C1orf21: variants seen among roughly 807,000 people sequenced by gnomAD.
C1orf21 encodes chromosome 1 open reading frame 21, also known as uncharacterized protein C1orf21.
C1orf21 carries 3 observed loss-of-function variants against 18.7 expected under a neutral mutation model. That is an observed-to-expected ratio of 0.16 (90% CI 0.07 to 0.42). C1orf21 has a LOEUF of 0.42. Among genes scored for constraint, C1orf21 ranks in the 10% least tolerant of loss-of-function variants. The pLI is 0.99. For missense variants in C1orf21, 104 were observed against 143.6 expected (o/e 0.72, Z 1.41); for synonymous variants, 41 against 46.4 (o/e 0.88, Z 0.47).
At position 184,483,451 on chromosome 1, in the gene C1orf21, C is replaced by T. The variant is rs531709814; in HGVS notation, c.94+5848C>T. Among the ~76,000 whole-genome samples the T allele has an allele frequency of 5.3e-5, 8 of 152,318 alleles. No homozygotes were observed. The South Asian group carries it at 1.7e-3, about 32-fold the overall frequency. ...TCATGATCTCTCCTGCAGCCCGCCCCCAAGTGGGGAGAAACTCTTACAGTT... is the reference window on the plus strand; with the variant it reads ...TCATGATCTCTCCTGCAGCCCGCCCTCAAGTGGGGAGAAACTCTTACAGTT... On this transcript the variant is annotated intron_variant, in intron 2 of 5. Transcript: ENST00000235307.
chr1:184,395,359 A>G (rs570290725), intron 1 of C1orf21, among the ~76,000 whole-genome samples: 1 of 152,252 alleles, frequency 6.6e-6, no homozygotes, highest in Admixed American at 6.5e-5. Context: ...GCCTTCTTTA[A>G]TATAATGAGG....
At chr1:184,610,481 T>A (rs185007520) in intron 5 of C1orf21, among the ~76,000 whole-genome samples, 1 of 152,212 alleles carries the variant, frequency 6.6e-6, no homozygotes, top group East Asian at 1.9e-4. Context: ...CCTGCTCACC[T>A]CCTTGTGGGG....
At chr1:184,505,450 A>G (rs1175103326) in intron 2 of C1orf21, among the ~76,000 whole-genome samples, 1 of 151,162 alleles carries the variant, frequency 6.6e-6, no homozygotes, top group Non-Finnish European at 1.5e-5. Flanking sequence ...TTAAGTTCAC[A>G]ATTTAGTTCA....
intron 2 of C1orf21, among the ~76,000 whole-genome samples, chr1:184,498,911 C>T (rs1657931955): frequency 6.6e-6 from 1 of 152,238 alleles, no homozygotes; most frequent in Non-Finnish European, 1.5e-5. Flanking sequence ...CCCAGTCCCA[C>T]CACTCTGTAG....
At chr1:184,454,746 G>A (rs71634108) in intron 1 of C1orf21, among the ~76,000 whole-genome samples, 7,935 of 152,066 alleles carry the variant, frequency 0.052, 299 homozygotes, top group Non-Finnish European at 0.07. Flanking sequence ...GCTTCCTGAG[G>A]CCTCCCTAGA....
chr1:184,598,633 T>C (rs943930415), intron 5 of C1orf21, among the ~76,000 whole-genome samples, 172 bp downstream of exon 5: 1 of 152,114 alleles, frequency 6.6e-6, no homozygotes, highest in Non-Finnish European at 1.5e-5. Context: ...TGTGAGAATG[T>C]TTAAGGTATA....
At chr1:184,547,420 CTTTT>C (rs34169321) in intron 3 of C1orf21, among the ~76,000 whole-genome samples, 64 of 102,922 alleles carry the variant, frequency 6.2e-4, no homozygotes, top group East Asian at 2.2e-3. Flanking sequence ...TACATCCAGA[CTTTT>C]TTTTTTTTTT....
At chr1:184,586,369 G>A (rs1282177044) in intron 3 of C1orf21, among the ~76,000 whole-genome samples, 7 of 146,866 alleles carry the variant, frequency 4.8e-5, no homozygotes, top group Admixed American at 4.2e-4. Context: ...TGCAGGCTCC[G>A]CCCCCTGGGG....
intron 1 of C1orf21, among the ~76,000 whole-genome samples, chr1:184,420,533 C>G (rs545748215): frequency 6.6e-6 from 1 of 152,050 alleles, no homozygotes; most frequent in Non-Finnish European, 1.5e-5. Context: ...GACATCATTG[C>G]TAAGGTGTCT....
At chr1:184,516,514 A>G (rs755828559) in intron 3 of C1orf21, among the ~76,000 whole-genome samples, 8 of 152,304 alleles carry the variant, frequency 5.3e-5, no homozygotes, top group East Asian at 3.9e-4. Flanking sequence ...GGCAATTTAC[A>G]TAAGACAGAG....
chr1:184,426,051 CAT>C (rs1656632600), intron 1 of C1orf21, among the ~76,000 whole-genome samples: 7 of 152,236 alleles, frequency 4.6e-5, no homozygotes. Flanking sequence ...TCCCTTCTGG[CAT>C]CATCCCGATC....
chr1:184,561,266 C>CA (rs1235221741), intron 3 of C1orf21, among the ~76,000 whole-genome samples: 1 of 152,136 alleles, frequency 6.6e-6, no homozygotes, highest in Non-Finnish European at 1.5e-5. Flanking sequence ...CTCTGGTGTA[C>CA]AGCTCCCTCC....
intron 3 of C1orf21, among the ~76,000 whole-genome samples, chr1:184,539,675 G>A (rs993829259): frequency 2.0e-5 from 3 of 152,226 alleles, no homozygotes; most frequent in African/African-American, 7.2e-5. Flanking sequence ...ATCCTGCAAA[G>A]TTTCTTTATA....
chr1:184,472,281 T>C (rs1053490863), intron 1 of C1orf21, among the ~76,000 whole-genome samples: 1 of 152,192 alleles, frequency 6.6e-6, no homozygotes, highest in Non-Finnish European at 1.5e-5. Context: ...GATCTATTAA[T>C]AATGTGGCTG....
chr1:184,591,545 G>A (rs975142534), intron 4 of C1orf21, among the ~76,000 whole-genome samples: 1 of 152,066 alleles, frequency 6.6e-6, no homozygotes, highest in Non-Finnish European at 1.5e-5. Flanking sequence ...GGTGGCTCAC[G>A]CCTGTAATCC....
At chr1:184,460,620 GTCTTCTTCTTCTTCTTCTTCTTCTTCT>G (rs201481780) in intron 1 of C1orf21, among the ~76,000 whole-genome samples, 50 of 112,092 alleles carry the variant, frequency 4.5e-4, no homozygotes, top group East Asian at 2.2e-3. Flanking sequence ...TGTCGTCGTC[GTCTTCTTCTTCTTCTTCTTCTTCTTCT>G]TCTTCTTCTT....
At chr1:184,468,009 T>A (rs141034215) in intron 1 of C1orf21, among the ~76,000 whole-genome samples, 6,756 of 145,094 alleles carry the variant, frequency 0.047, 451 homozygotes, top group African/African-American at 0.16. Flanking sequence ...TGTGTGTGTG[T>A]GTGAGAGAGA....
chr1:184,467,654 A>C (rs1657423061), intron 1 of C1orf21, among the ~76,000 whole-genome samples: 2 of 152,214 alleles, frequency 1.3e-5, no homozygotes, highest in Admixed American at 6.5e-5. Flanking sequence ...TTAACCTCTC[A>C]TCTGTCTTGA....
chr1:184,520,063 A>ATAAG (rs1485742664), intron 3 of C1orf21, among the ~76,000 whole-genome samples: 4 of 152,240 alleles, frequency 2.6e-5, no homozygotes, highest in African/African-American at 9.6e-5. Flanking sequence ...AGGTACCATT[A>ATAAG]TAAGTGCCTG....
Sources: allele counts gnomAD v4.1 joint callset (sites outside exome capture counted in the v4.1 genomes callset), GRCh38; gene constraint gnomAD v4.1.1; transcripts MANE v1.5; gene names NCBI Gene and HGNC (gene_info 2026-07-23, HGNC 2026-07-21).